TNRC6C: variants seen among roughly 807,000 people sequenced by gnomAD.
TNRC6C encodes the protein trinucleotide repeat containing adaptor 6C, also known as trinucleotide repeat-containing gene 6C protein.
In TNRC6C, 20 loss-of-function variants were observed where a neutral mutation model predicts 153.7. The ratio of observed to expected loss-of-function variants is 0.13; its 90% CI spans 0.09 to 0.19. The LOEUF (loss-of-function observed/expected upper bound fraction) is 0.19, where lower values mean the gene tolerates loss of function less well. TNRC6C is among the 10% of genes least tolerant of loss of function. TNRC6C has a pLI of 1.00. For synonymous variants in TNRC6C, 811 were observed against 841.4 expected, an observed-to-expected ratio of 0.96 and a Z score of 0.63; for missense variants, 1,987 against 2,172.0, an observed-to-expected ratio of 0.91 and a Z score of 1.69.
chr17:78,060,468 CTTT>C (rs975826787), intron 3 of TNRC6C, among the ~76,000 whole-genome samples: 23 of 125,954 alleles, frequency 1.8e-4, no homozygotes, highest in Admixed American at 2.4e-4. Flanking sequence ...AATCGTTTAT[CTTT>C]TTTTTTTTTT....
chr17:78,092,020 T>C (rs1356941344), intron 14 of TNRC6C, among the ~76,000 whole-genome samples: 4 of 152,234 alleles, frequency 2.6e-5, no homozygotes, highest in Non-Finnish European at 5.9e-5. Context: ...CTGTTGGTTA[T>C]TCCCCTCCAT....
At chr17:78,003,084 G>A (rs1056520793), upstream of TNRC6C, among the ~76,000 whole-genome samples, 1 of 152,196 alleles carries the variant, frequency 6.6e-6, no homozygotes, top group African/African-American at 2.4e-5. Flanking sequence ...GGTGGTTAGG[G>A]TCTAGTAGCT....
rs375746355 is a variant in TNRC6C at position 78,023,799 on chromosome 17, C to T, written c.-545-7717C>T. On this transcript the variant is annotated intron_variant, in intron 1 of 19. Transcript: ENST00000301624. ...TCAGCTTGGGCAACGGAAGTGAGAC[C>T]CTGTCTCAAAAAACAAACAAAAAAG... Among the ~76,000 whole-genome samples, 70 of 151,568 alleles carry T rather than the reference C, an allele frequency of 4.6e-4. No individual in the cohort carries two copies. In the East Asian group the frequency reaches 0.012, roughly 26 times the overall value.
chr17:78,096,127 A>T (rs910639422), intron 16 of TNRC6C, among the ~76,000 whole-genome samples: 1 of 152,210 alleles, frequency 6.6e-6, no homozygotes, highest in African/African-American at 2.4e-5. Flanking sequence ...ACACCCTTTT[A>T]AAGTAAAGAC....
intron 1 of TNRC6C, among the ~76,000 whole-genome samples, chr17:77,973,967 T>C (rs1185499280): frequency 6.6e-6 from 1 of 150,964 alleles, no homozygotes; most frequent in African/African-American, 2.4e-5. Context: ...CTTTTGTTGT[T>C]GTTGTTGTTG....
intron 2 of TNRC6C, among the ~76,000 whole-genome samples, chr17:78,034,780 G>A (rs2072146944): frequency 6.6e-6 from 1 of 152,070 alleles, no homozygotes. Context: ...GCCAGCCTGG[G>A]TGACACAGCA....
chr17:78,052,103 G>A (rs757966349), intron 3 of TNRC6C, among the ~76,000 whole-genome samples: 63 of 152,330 alleles, frequency 4.1e-4, no homozygotes, highest in African/African-American at 3.8e-4. Context: ...CATCCATCTC[G>A]TGAAGCAAGG....
At chr17:78,047,064 G>A (rs964778054) in intron 2 of TNRC6C, among the ~76,000 whole-genome samples, 1 of 152,076 alleles carries the variant, frequency 6.6e-6, no homozygotes, top group Non-Finnish European at 1.5e-5. Flanking sequence ...GTGGGTTGCA[G>A]TGAGTGCTGT....
At chr17:77,979,884 G>T (rs1298396947) in intron 1 of TNRC6C, among the ~76,000 whole-genome samples, 1 of 152,178 alleles carries the variant, frequency 6.6e-6, no homozygotes, top group East Asian at 1.9e-4. Context: ...ACTTTGCAAA[G>T]AAATGGAAAT....
At chr17:78,097,985 G>C in intron 16 of TNRC6C, 124 bp downstream of exon 19, 1 of 856,644 alleles carries the variant, frequency 1.2e-6, no homozygotes, top group South Asian at 1.8e-5. Context: ...GCCGTGTGGC[G>C]TGATGAAGGA....
Position 78,051,480 on chromosome 17 carries a change from TAAAAAAA to T in TNRC6C, c.2395+35_2395+41del. On this transcript the variant is annotated intron_variant, in intron 3 of 19. Transcript: ENST00000301624. ...AAGGTATTTCATGTTTCTTTACAAG[TAAAAAAA>T]AAAAAAAAAAAGCTTATTCTCATTA... is the stretch of plus-strand genomic sequence containing the variant. 6.2e-6 allele frequency: 7 copies of T among 1,131,500 alleles called. No individual in the cohort carries two copies. In the South Asian group the frequency reaches 9.1e-5, roughly 15 times the overall value. 70.1% of individuals were successfully genotyped at this position (1,131,500 alleles called of 1,614,324 possible). A position where few individuals can be genotyped will look rare whatever the true frequency, so the allele number is the denominator to read the frequency against.
At chr17:78,086,381 A>G in intron 11 of TNRC6C, 122 bp from the exon 14 acceptor site, 1 of 483,162 alleles carries the variant, frequency 2.1e-6, no homozygotes, top group East Asian at 4.5e-5. Context: ...CAGCCACAGT[A>G]TGGGCCAAGA....
At chr17:78,002,596 T>C (rs944889765), upstream of TNRC6C, among the ~76,000 whole-genome samples, 1 of 152,198 alleles carries the variant, frequency 6.6e-6, no homozygotes, top group African/African-American at 2.4e-5. Context: ...AGAGCACTTA[T>C]AAAGCTATTG....
intron 2 of TNRC6C, among the ~76,000 whole-genome samples, chr17:78,044,042 T>C (rs541057452): frequency 6.6e-6 from 1 of 152,366 alleles, no homozygotes; most frequent in South Asian, 2.1e-4. Flanking sequence ...CTCTTCAATA[T>C]ACTGATCTCC....
chr17:77,973,907 A>G (rs1567895287), intron 1 of TNRC6C, among the ~76,000 whole-genome samples: 2 of 152,158 alleles, frequency 1.3e-5, no homozygotes, highest in Admixed American at 6.6e-5. Context: ...CTGGCACTCT[A>G]CCTAGATTGA....
chr17:77,964,448 G>A (rs1344883137), intron 1 of TNRC6C, among the ~76,000 whole-genome samples: 1 of 152,144 alleles, frequency 6.6e-6, no homozygotes, highest in African/African-American at 2.4e-5. Flanking sequence ...GTGCCCAGGT[G>A]GTTATTGGGA....
chr17:78,071,609 A>G (rs940063969), intron 6 of TNRC6C, among the ~76,000 whole-genome samples: 2 of 152,116 alleles, frequency 1.3e-5, no homozygotes, highest in African/African-American at 4.8e-5. Flanking sequence ...GCTGGTCTCG[A>G]ACACCTGGGC....
Position 78,095,924 on chromosome 17 carries a change from G to A in TNRC6C, c.4306+2161G>A, listed in dbSNP as rs969550727. Reference sequence around the variant, plus strand: ...AAATTAGCTGCGTGTGGTGGCACACGTCAGTGGTCCCAGCTACTCAGGAGG... The same window carrying A: ...AAATTAGCTGCGTGTGGTGGCACACATCAGTGGTCCCAGCTACTCAGGAGG... On this transcript the variant is annotated intron_variant, in intron 16 of 19. Transcript: ENST00000301624. Among the ~76,000 whole-genome samples, 7 of 152,280 alleles carry A rather than the reference G, an allele frequency of 4.6e-5. No homozygotes were observed. The South Asian group carries it at 1.2e-3, about 27-fold the overall frequency.
At chr17:78,088,980 T>G (rs2073347630) in intron 13 of TNRC6C, among the ~76,000 whole-genome samples, 1 of 146,528 alleles carries the variant, frequency 6.8e-6, no homozygotes, top group Non-Finnish European at 1.5e-5. Flanking sequence ...TTTTTTTTTT[T>G]TTTTTGAGAT....
Sources: gnomAD v4.1 joint callset for allele counts (sites outside exome capture counted in the v4.1 genomes callset) on GRCh38, gnomAD v4.1.1 for gene constraint, MANE v1.5 for transcripts, NCBI Gene and HGNC (gene_info 2026-07-23, HGNC 2026-07-21) for gene names.